RMND5A: variants seen among roughly 807,000 people sequenced by gnomAD.
RMND5A encodes the protein required for meiotic nuclear division 5 homolog A.
A neutral mutation model predicts 49.7 loss-of-function variants in RMND5A; 17 were observed. That is an observed-to-expected ratio of 0.34 (90% CI 0.23 to 0.51). The LOEUF (loss-of-function observed/expected upper bound fraction) is 0.51, where lower values mean the gene tolerates loss of function less well. Ranked by LOEUF, RMND5A falls within the 20% of genes least tolerant of loss-of-function variation. RMND5A has a pLI of 0.96. For synonymous variants in RMND5A, 156 were observed against 167.7 expected (o/e 0.93, Z 0.54); for missense variants, 255 against 471.3 (o/e 0.54, Z 4.25).
At chr2:86,735,213 G>T (rs1394233390) in intron 1 of RMND5A, among the ~76,000 whole-genome samples, 70 of 149,350 alleles carry the variant, frequency 4.7e-4, no homozygotes, top group African/African-American at 1.5e-3. Context: ...GTGTGGACAT[G>T]TTGTTCTTTT....
chr2:86,768,611 C>A (rs759245100), intron 6 of RMND5A, among the ~76,000 whole-genome samples: 1 of 152,164 alleles, frequency 6.6e-6, no homozygotes, highest in Non-Finnish European at 1.5e-5. Flanking sequence ...CTGCTGTGGG[C>A]CCGTGGAGTT....
At chr2:86,770,641 A>G (rs1361845973) in intron 7 of RMND5A, among the ~76,000 whole-genome samples, 3 of 152,336 alleles carry the variant, frequency 2.0e-5, no homozygotes, top group African/African-American at 7.2e-5. Flanking sequence ...GGTTTTAAAC[A>G]TCAGCACGAT....
chr2:86,760,965 A>AGTGT (rs35942120), intron 4 of RMND5A, among the ~76,000 whole-genome samples: 16,085 of 145,316 alleles, frequency 0.11, 938 homozygotes, highest in South Asian at 0.17. Context: ...GAGAGAGAGA[A>AGTGT]GTGTGTGTGT....
intron 7 of RMND5A, among the ~76,000 whole-genome samples, 162 bp downstream of exon 7, chr2:86,770,287 G>C (rs188882078): frequency 6.6e-6 from 1 of 152,178 alleles, no homozygotes; most frequent in Non-Finnish European, 1.5e-5. Context: ...GAAGAGCCTA[G>C]TACATTTTGG....
intron 4 of RMND5A, among the ~76,000 whole-genome samples, chr2:86,762,709 C>CATATATATATCAT (rs5832691): frequency 0.25 from 6,244 of 25,376 alleles, 554 homozygotes; most frequent in African/African-American, 0.4. Context: ...TCATATATAT[C>CATATATATATCAT]ATATATATCA....
intron 1 of RMND5A, among the ~76,000 whole-genome samples, chr2:86,728,777 TGA>T (rs1290392847): frequency 1.4e-5 from 2 of 139,410 alleles, no homozygotes; most frequent in East Asian, 2.1e-4. Context: ...TTTTTGAGGC[TGA>T]GTCTCGCTCT....
chr2:86,767,496 G>A (rs1672620769), intron 6 of RMND5A, among the ~76,000 whole-genome samples: 1 of 149,486 alleles, frequency 6.7e-6, no homozygotes, highest in African/African-American at 2.5e-5. Context: ...GTTCAGGTTG[G>A]ACTCAAACTC....
chr2:86,751,439 G>A (rs1013519086), intron 2 of RMND5A, among the ~76,000 whole-genome samples: 4 of 152,046 alleles, frequency 2.6e-5, no homozygotes, highest in Non-Finnish European at 5.9e-5. Flanking sequence ...TAACTAGTTG[G>A]CCATGCCCCC....
chr2:86,762,461 A>G (rs1573443024), intron 4 of RMND5A, among the ~76,000 whole-genome samples: 1 of 151,944 alleles, frequency 6.6e-6, no homozygotes, highest in African/African-American at 2.4e-5. Flanking sequence ...CCTGGCCAAC[A>G]TGGTGAGACC....
At chr2:86,750,569 G>A (rs577411200) in intron 2 of RMND5A, among the ~76,000 whole-genome samples, 1 of 152,266 alleles carries the variant, frequency 6.6e-6, no homozygotes, top group African/African-American at 2.4e-5. Flanking sequence ...GTTTGAATGT[G>A]AGATGTTTGG....
At chr2:86,729,854 G>A (rs1315068728) in intron 1 of RMND5A, among the ~76,000 whole-genome samples, 1 of 53,190 alleles carries the variant, frequency 1.9e-5, no homozygotes, top group Non-Finnish European at 3.7e-5. Flanking sequence ...GGTGGGGTGG[G>A]GACATTTTGA....
At position 86,745,038 on chromosome 2, in the gene RMND5A, T is replaced by G. The variant is rs79627947; in HGVS notation, c.285+3969T>G. Among the ~76,000 whole-genome samples the G allele has an allele frequency of 5.2e-3, 797 of 152,208 alleles. 5 individuals carry two copies. The highest frequency in any genetic ancestry group is 0.024 in the Middle Eastern group (7 of 294). ...TTTTTTTTTAGTAAAAATAATGTATTTGGGCTGTTCTTGATTTCCTCTCCC... is the reference window on the plus strand; with the variant it reads ...TTTTTTTTTAGTAAAAATAATGTATGTGGGCTGTTCTTGATTTCCTCTCCC... On this transcript the variant is annotated intron_variant, in intron 2 of 8. Coordinates refer to ENST00000283632, the MANE Select transcript of RMND5A (RefSeq NM_022780.4).
chr2:86,759,007 A>G lies in RMND5A; in HGVS notation c.521+5449A>G, dbSNP rs1357643825. Among the ~76,000 whole-genome samples, 11 of 152,190 alleles carry G rather than the reference A, an allele frequency of 7.2e-5. No individual in the cohort carries two copies. In the South Asian group the frequency reaches 1.5e-3, roughly 20 times the overall value. On this transcript the variant is annotated intron_variant, in intron 4 of 8. Coordinates refer to ENST00000283632, the MANE Select transcript of RMND5A (RefSeq NM_022780.4). ...CCCCAAGAGTATAGCCTTAAAGGAA[A>G]TTAGAAAAAGAGGTTTTTGTAAGCC...
chr2:86,770,010 TCTG>T lies in RMND5A; in HGVS notation c.855-10_855-8del. ...CTGGCCTGGCACTGACGTTTCCTCT[TCTG>T]CTCTCCCAGTTTCTCAGCAGGTTGT... On this transcript the variant is annotated splice_polypyrimidine_tract_variant and intron_variant, in intron 6 of 8. Transcript: ENST00000283632. 1 of 1,609,070 alleles carries T rather than the reference TCTG, an allele frequency of 6.2e-7. No homozygotes were observed.
chr2:86,753,463 T>C lies in RMND5A; in HGVS notation c.426T>C (p.Ser142=), dbSNP rs556339634. The C allele has an allele frequency of 6.3e-7, 1 of 1,590,380 alleles. No homozygotes were observed. The highest frequency in any genetic ancestry group is 1.7e-5 in the Admixed American group (1 of 58,836). Residue 142 remains serine, a synonymous_variant, in exon 4 of 9, where the codon TCT becomes TCC. Coordinates refer to ENST00000283632, the MANE Select transcript of RMND5A (RefSeq NM_022780.4). The part of the protein sequence containing the change: ...LDVAEELCQE[S]GLSVDPSQKE... ...TTCTTTCTTTCTTTTTCCAGGAATCTGGTCTTTCTGTAGACCCAAGTCAGA... is the reference window on the plus strand; with the variant it reads ...TTCTTTCTTTCTTTTTCCAGGAATCCGGTCTTTCTGTAGACCCAAGTCAGA...
rs1297401132 is a variant in RMND5A, at chr2:86,720,363, ACAAT to A, written c.-303_-300del. Reference sequence around the variant, plus strand: ...TCGGTCGGTTCCCGTGAAAACAAAAACAATCGGCCGCGCCGTCGCAGGCACCCGA... The same window carrying A: ...TCGGTCGGTTCCCGTGAAAACAAAAACGGCCGCGCCGTCGCAGGCACCCGA... On this transcript the variant is annotated 5_prime_UTR_variant, in exon 1 of 9. Transcript: ENST00000283632. 6.4e-6 allele frequency: 1 copy of A among 157,216 alleles called. No individual in the cohort carries two copies. The highest frequency in any genetic ancestry group is 1.4e-5 in the Non-Finnish European group (1 of 71,562). 9.7% of individuals were successfully genotyped at this position (157,216 alleles called of 1,614,324 possible). A position where few individuals can be genotyped will look rare whatever the true frequency, so the allele number is the denominator to read the frequency against.
At chr2:86,761,322 A>T (rs1275893715) in intron 4 of RMND5A, among the ~76,000 whole-genome samples, 3 of 152,166 alleles carry the variant, frequency 2.0e-5, no homozygotes, top group African/African-American at 7.2e-5. Flanking sequence ...AAATAGATTG[A>T]CTTTCTTATT....
chr2:86,766,985 T>G (rs1672609333), intron 6 of RMND5A, among the ~76,000 whole-genome samples: 1 of 152,202 alleles, frequency 6.6e-6, no homozygotes. Flanking sequence ...GGTAATTGTC[T>G]TGAGAAAAAG....
chr2:86,734,723 G>A (rs1681385915), intron 1 of RMND5A, among the ~76,000 whole-genome samples: 1 of 147,846 alleles, frequency 6.8e-6, no homozygotes, highest in Non-Finnish European at 1.5e-5. Context: ...CCTTAGTGCT[G>A]GAATTACAGG....
Sources: allele counts gnomAD v4.1 joint callset (sites outside exome capture counted in the v4.1 genomes callset), GRCh38; gene constraint gnomAD v4.1.1; transcripts MANE v1.5; gene names NCBI Gene and HGNC (gene_info 2026-07-23, HGNC 2026-07-21).